TIAM2: variants seen among roughly 807,000 people sequenced by gnomAD.
TIAM2 encodes TIAM Rac1 associated GEF 2.
TIAM2 carries 80 observed loss-of-function variants against 152.9 expected under a neutral mutation model. That is an observed-to-expected ratio of 0.52 (90% CI 0.44 to 0.63). The LOEUF (loss-of-function observed/expected upper bound fraction) is 0.63, where lower values mean the gene tolerates loss of function less well. Ranked by LOEUF, TIAM2 falls within the 30% of genes least tolerant of loss-of-function variation. The pLI is 0.00. For missense variants in TIAM2, 1,965 were observed against 2,120.1 expected (o/e 0.93, Z 1.44); for synonymous variants, 804 against 838.0 (o/e 0.96, Z 0.70).
chr6:155,179,529 AC>A, intron 12 of TIAM2, 73 bp downstream of exon 12: 2 of 1,416,430 alleles, frequency 1.4e-6, no homozygotes, highest in Non-Finnish European at 1.9e-6. Context: ...GCATCTTTGG[AC>A]TTAATTTTTT....
intron 2 of TIAM2, among the ~76,000 whole-genome samples, chr6:155,096,370 T>A (rs761834989): frequency 6.6e-6 from 1 of 152,170 alleles, no homozygotes; most frequent in Non-Finnish European, 1.5e-5. Context: ...TTAGAACTAT[T>A]CTTTTATAGC....
intron 1 of TIAM2, among the ~76,000 whole-genome samples, chr6:155,039,461 G>C (rs1240766807): frequency 1.3e-5 from 2 of 152,064 alleles, no homozygotes; most frequent in East Asian, 3.9e-4. Flanking sequence ...TGGCCATGGT[G>C]GGGAGGAGGT....
At chr6:155,168,032 T>C (rs368172588) in intron 9 of TIAM2, among the ~76,000 whole-genome samples, 4 of 152,358 alleles carry the variant, frequency 2.6e-5, no homozygotes, top group Middle Eastern at 3.4e-3. Flanking sequence ...CGAACATTTT[T>C]TGTTTTAAAA....
intron 1 of TIAM2, among the ~76,000 whole-genome samples, chr6:155,006,680 AC>A (rs1778407743): frequency 7.4e-6 from 1 of 135,134 alleles, no homozygotes; most frequent in African/African-American, 2.8e-5. Flanking sequence ...ACCTCCCCCC[AC>A]CAAAAAAAAA....
chr6:155,147,174 TTC>T (rs1332488227), intron 6 of TIAM2, among the ~76,000 whole-genome samples: 2 of 22,874 alleles, frequency 8.7e-5, no homozygotes, highest in African/African-American at 1.7e-4. Flanking sequence ...ATTTACATTG[TTC>T]TTTTTTTTTT....
intron 1 of TIAM2, among the ~76,000 whole-genome samples, chr6:155,046,096 G>A (rs534225925): frequency 1.2e-3 from 176 of 151,890 alleles, no homozygotes; most frequent in Non-Finnish European, 1.8e-3. Context: ...CCACACTCCC[G>A]TGGAAGGAGG....
At chr6:155,083,365 A>AG (rs1562310589) in intron 1 of TIAM2, among the ~76,000 whole-genome samples, 8 of 150,688 alleles carry the variant, frequency 5.3e-5, no homozygotes, top group African/African-American at 1.9e-4. Flanking sequence ...AAAAAAAAAA[A>AG]AAAGAGAGAG....
At chr6:155,040,579 C>G (rs1777007681) in intron 1 of TIAM2, among the ~76,000 whole-genome samples, 1 of 152,068 alleles carries the variant, frequency 6.6e-6, no homozygotes, top group African/African-American at 2.4e-5. Flanking sequence ...AGTGCAGTGG[C>G]ACCATCTCGG....
rs754021821 is a variant in TIAM2, at chr6:155,253,002, C to T, written c.4174C>T (p.Arg1392Cys). The change falls in exon 24 of 27, where the codon CGC becomes TGC. Residue 1392 changes from arginine (R) to cysteine (C), a missense_variant. Physicochemically the swap from Arg to Cys is radical, Grantham distance 180. Around this residue, in one of 3 missense-constraint regions of TIAM2, gnomAD observed 935 missense variants for 980.0 expected, o/e 0.95. Transcript: ENST00000682666. Reference sequence around the variant, plus strand: ...TACTGACTTGGACCCATTTAAATTCCGCTGGTTGATCCCCATCTCCGCGCT... The same window carrying T: ...TACTGACTTGGACCCATTTAAATTCTGCTGGTTGATCCCCATCTCCGCGCT... ...NSTDLDPFKF[R>C]WLIPISALQV... The T allele has an allele frequency of 1.2e-5, 20 of 1,614,036 alleles. No homozygotes were observed. Among genetic ancestry groups the T allele is most frequent in the African/African-American group, 6.7e-5 (5 of 74,890 alleles).
At position 155,144,209 on chromosome 6, in the gene TIAM2, CCACAA is replaced by C. The variant is rs1431822946; in HGVS notation, c.1631-395_1631-391del. ...CTGTGTTCTCTTCCTCCGGGCATGT[CCACAA>C]CTTTGGCAAAATAAACTTCTCAATG... On this transcript the variant is annotated intron_variant, in intron 5 of 26. Transcript: ENST00000682666. Among the ~76,000 whole-genome samples, 5 of 152,282 alleles carry C rather than the reference CCACAA, an allele frequency of 3.3e-5. No homozygotes were observed. In the East Asian group the frequency reaches 9.7e-4, roughly 29 times the overall value.
chr6:155,165,027 G>C (rs1780385064), intron 8 of TIAM2, among the ~76,000 whole-genome samples: 1 of 152,150 alleles, frequency 6.6e-6, no homozygotes, highest in Non-Finnish European at 1.5e-5. Flanking sequence ...CAGCCTAGGG[G>C]TCTGTAGTGG....
At chr6:155,125,854 A>G (rs557414586) in intron 2 of TIAM2, among the ~76,000 whole-genome samples, 67 of 152,252 alleles carry the variant, frequency 4.4e-4, no homozygotes, top group African/African-American at 1.4e-3. Flanking sequence ...AAGAGAGAAA[A>G]AAAAAAGAAT....
chr6:155,122,790 C>A (rs547593225), intron 2 of TIAM2, among the ~76,000 whole-genome samples: 1 of 151,730 alleles, frequency 6.6e-6, no homozygotes, highest in Non-Finnish European at 1.5e-5. Flanking sequence ...GGGGTTGCTG[C>A]GGGTGACTGT....
intron 15 of TIAM2, among the ~76,000 whole-genome samples, chr6:155,229,216 A>G (rs981726616): frequency 2.0e-5 from 3 of 152,086 alleles, no homozygotes; most frequent in African/African-American, 7.2e-5. Flanking sequence ...TTTTATCCCT[A>G]CACCCAGAAC....
intron 15 of TIAM2, among the ~76,000 whole-genome samples, chr6:155,215,724 T>A (rs1034475318): frequency 2.0e-3 from 255 of 129,154 alleles, no homozygotes; most frequent in African/African-American, 6.1e-3. Flanking sequence ...AAAAAAATTT[T>A]AAATTTTTTT....
chr6:155,234,011 G>T (rs1390637744), intron 15 of TIAM2, among the ~76,000 whole-genome samples: 1 of 150,508 alleles, frequency 6.6e-6, no homozygotes, highest in Non-Finnish European at 1.5e-5. Context: ...TTTGGGGGGG[G>T]GTTGGGGTTC....
At position 155,082,523 on chromosome 6, in the gene TIAM2, A is replaced by G. The variant is rs1374537994; in HGVS notation, c.-208-7766A>G. ...AAATTAGCTGGGCGTGGTGGCACAC[A>G]CTTGTAATCTCAGCTACTCGGGAGG... On this transcript the variant is annotated intron_variant, in intron 1 of 26. Coordinates refer to ENST00000682666, the MANE Select transcript of TIAM2 (RefSeq NM_012454.4). Among the ~76,000 whole-genome samples the G allele has an allele frequency of 2.0e-5, 3 of 151,838 alleles. 1 individual carries two copies. The highest frequency in any genetic ancestry group is 3.9e-4 in the East Asian group (2 of 5,100).
intron 1 of TIAM2, among the ~76,000 whole-genome samples, chr6:155,069,774 C>G (rs1265513077): frequency 6.6e-6 from 1 of 152,086 alleles, no homozygotes; most frequent in East Asian, 1.9e-4. Context: ...GCTTCCTACT[C>G]TTTAAGTAAA....
chr6:155,175,598 C>T (rs186224828), intron 9 of TIAM2, among the ~76,000 whole-genome samples: 7 of 152,234 alleles, frequency 4.6e-5, no homozygotes, highest in East Asian at 1.9e-4. Flanking sequence ...GGAGCTGAAT[C>T]GTACGTAGCA....
Sources: allele counts gnomAD v4.1 joint callset (sites outside exome capture counted in the v4.1 genomes callset), GRCh38; gene constraint gnomAD v4.1.1; regional missense constraint gnomAD v4.1.1; transcripts MANE v1.5; gene names NCBI Gene and HGNC (gene_info 2026-07-23, HGNC 2026-07-21).